The following ATG16L1 variants were observed in gnomAD, a reference collection of about 807,000 sequenced individuals.
ATG16L1 encodes autophagy related 16 like 1.
Under a neutral mutation model 88.5 loss-of-function variants are expected in ATG16L1, and 37 were observed. That is an observed-to-expected ratio of 0.42 (90% CI 0.32 to 0.55). ATG16L1 has a LOEUF of 0.55. Ranked by LOEUF, ATG16L1 falls within the 20% of genes least tolerant of loss-of-function variation. The probability of loss-of-function intolerance (pLI) is 0.13; values close to 1 mark genes in which losing one functional copy is unlikely to be tolerated. For missense variants in ATG16L1, 554 were observed against 752.8 expected (o/e 0.74, Z 3.09); for synonymous variants, 301 against 281.0 (o/e 1.07, Z -0.71).
chr2:233,276,285 TA>T (rs1311953702), intron 9 of ATG16L1, among the ~76,000 whole-genome samples: 1 of 152,212 alleles, frequency 6.6e-6, no homozygotes, highest in African/African-American at 2.4e-5. Flanking sequence ...CTCATATTGA[TA>T]GTCTATGTTT....
In ATG16L1 at chr2:233,265,790, C is replaced by T. The variant is rs543553114; in HGVS notation, c.641+647C>T. ...GCCATTGATAGATTTTTTAAGAATT[C>T]CCTGCAATCCTGCTAAGTCTATTTA... On this transcript the variant is annotated intron_variant, in intron 5 of 17. Transcript: ENST00000392017. Among the ~76,000 whole-genome samples the T allele has an allele frequency of 5.9e-5, 9 of 152,110 alleles. No homozygotes were observed. In the East Asian group the frequency reaches 1.5e-3, roughly 26 times the overall value.
At chr2:233,271,200 G>T (rs1697966049) in intron 6 of ATG16L1, among the ~76,000 whole-genome samples, 1 of 152,200 alleles carries the variant, frequency 6.6e-6, no homozygotes, top group Non-Finnish European at 1.5e-5. Context: ...GACAGGTTGA[G>T]CATCCTGCCC....
chr2:233,268,763 T>C (rs566532461), intron 5 of ATG16L1, among the ~76,000 whole-genome samples: 4 of 152,354 alleles, frequency 2.6e-5, no homozygotes, highest in African/African-American at 9.6e-5. Context: ...TTATTTTTCA[T>C]CTTCCAGGTA....
At chr2:233,290,595 A>G (rs1366551248) in intron 14 of ATG16L1, among the ~76,000 whole-genome samples, 2 of 152,074 alleles carry the variant, frequency 1.3e-5, no homozygotes, top group Non-Finnish European at 2.9e-5. Context: ...GAAAAGGCAA[A>G]CAGGATACTC....
intron 14 of ATG16L1, among the ~76,000 whole-genome samples, chr2:233,291,006 AC>A (rs1181107134): frequency 3.3e-5 from 5 of 152,212 alleles, no homozygotes; most frequent in Middle Eastern, 3.2e-3. Context: ...GGAATAGGAA[AC>A]CAATAGAGTT....
chr2:233,262,998 G>A (rs537555045), intron 2 of ATG16L1, 132 bp from the exon 3 acceptor site: 4 of 770,296 alleles, frequency 5.2e-6, no homozygotes, highest in African/African-American at 1.7e-5. Context: ...GGAGACACCC[G>A]AATGGTTTAT....
Position 233,289,408 on chromosome 2 carries a change from T to TGTGTGTGTGTGTGTGTGAGAGAGAGAGA in ATG16L1, c.1204-445_1204-444insTGTGTGTGTGTGTGTGAGAGAGAGAGAG, listed in dbSNP as rs144316394. Among the ~76,000 whole-genome samples the TGTGTGTGTGTGTGTGTGAGAGAGAGAGA allele has an allele frequency of 1.8e-3, 274 of 149,642 alleles. 1 individual carries two copies. Among genetic ancestry groups the TGTGTGTGTGTGTGTGTGAGAGAGAGAGA allele is most frequent in the African/African-American group, 6.1e-3 (245 of 40,238 alleles). On this transcript the variant is annotated intron_variant, in intron 12 of 17. Transcript: ENST00000392017. ...GTGTGTGTGTGTGTGTGTGTGTGTG[T>TGTGTGTGTGTGTGTGTGAGAGAGAGAGA]GACAGGATCTTGCTATCACTCAGGT...
intron 17 of ATG16L1, 126 bp downstream of exon 17, chr2:233,293,483 G>A: frequency 1.6e-5 from 13 of 815,396 alleles, no homozygotes; most frequent in Non-Finnish European, 2.5e-5. Context: ...CTGCTCGGCT[G>A]GCTGAGCTAG....
chr2:233,258,017 AT>A (rs746556122), intron 2 of ATG16L1, among the ~76,000 whole-genome samples: 56,694 of 127,704 alleles, frequency 0.44, 12,493 homozygotes, highest in Non-Finnish European at 0.54. Context: ...AAAAAAAAAA[AT>A]ATCTATATAT....
Position 233,251,768 on chromosome 2 carries a change from GCTGCGGCCGTC to G in ATG16L1, c.-59_-49del. 1 of 1,461,682 alleles carries G rather than the reference GCTGCGGCCGTC, an allele frequency of 6.8e-7. No individual in the cohort carries two copies. The highest frequency in any genetic ancestry group is 9.3e-7 in the Non-Finnish European group (1 of 1,070,250). The allele number at this position is 1,461,682 out of a possible 1,614,324, so 90.5% of individuals were successfully genotyped here. A position where few individuals can be genotyped will look rare whatever the true frequency, so the allele number is the denominator to read the frequency against. ...TTCTGCTGGTTGCTTCATGCTGCAG[GCTGCGGCCGTC>G]AGCCCTCGCTCGCATTGGTGGCGCT... On this transcript the variant is annotated 5_prime_UTR_variant, in exon 1 of 18. The change abolishes the stop of an existing upstream ORF in the 5' untranslated region. Transcript: ENST00000392017.
chr2:233,275,976 A>T, intron 9 of ATG16L1: 1 of 519,040 alleles, frequency 1.9e-6, no homozygotes, highest in South Asian at 1.4e-5. Context: ...GTGATGGTGC[A>T]TGATCTCAAG....
At chr2:233,268,764 C>T (rs1258362773) in intron 5 of ATG16L1, among the ~76,000 whole-genome samples, 1 of 152,182 alleles carries the variant, frequency 6.6e-6, no homozygotes, top group Non-Finnish European at 1.5e-5. Flanking sequence ...TATTTTTCAT[C>T]TTCCAGGTAT....
At chr2:233,283,481 A>T (rs922841673) in intron 12 of ATG16L1, among the ~76,000 whole-genome samples, 8 of 151,782 alleles carry the variant, frequency 5.3e-5, no homozygotes, top group East Asian at 1.9e-4. Flanking sequence ...ATTTTTTTTT[A>T]AAAAGTTAAC....
intron 12 of ATG16L1, among the ~76,000 whole-genome samples, chr2:233,289,408 T>TGTGTGTGTGTGTGTGTGTGAGA (rs144316394): frequency 1.3e-5 from 2 of 149,536 alleles, no homozygotes; most frequent in African/African-American, 5.0e-5. Flanking sequence ...TGTGTGTGTG[T>TGTGTGTGTGTGTGTGTGTGAGA]GACAGGATCT....
chr2:233,291,572 C>T (rs981556399), intron 14 of ATG16L1, among the ~76,000 whole-genome samples: 4 of 152,158 alleles, frequency 2.6e-5, no homozygotes, highest in Non-Finnish European at 5.9e-5. Flanking sequence ...GGGCCCTGCC[C>T]AGGGTGGCTG....
intron 1 of ATG16L1, among the ~76,000 whole-genome samples, chr2:233,255,869 T>C (rs929742427): frequency 6.6e-6 from 1 of 152,230 alleles, no homozygotes; most frequent in Non-Finnish European, 1.5e-5. Flanking sequence ...CCATTGTGTT[T>C]AGTGTGTTTT....
At chr2:233,267,981 T>A (rs1697726227) in intron 5 of ATG16L1, among the ~76,000 whole-genome samples, 1 of 152,208 alleles carries the variant, frequency 6.6e-6, no homozygotes, top group African/African-American at 2.4e-5. Context: ...CTAGAAGCCT[T>A]CCTGCGTCAT....
intron 14 of ATG16L1, among the ~76,000 whole-genome samples, chr2:233,291,625 G>A (rs1046714776): frequency 6.6e-6 from 1 of 152,158 alleles, no homozygotes; most frequent in African/African-American, 2.4e-5. Context: ...GAAGAAGAGG[G>A]AGGTGCGTAG....
At position 233,292,441 on chromosome 2, in the gene ATG16L1, A is replaced by G. The variant is rs1019428401; in HGVS notation, c.1628+7A>G. 1 of 1,612,292 alleles carries G rather than the reference A, an allele frequency of 6.2e-7. No homozygotes were observed. Among genetic ancestry groups the G allele is most frequent in the African/African-American group, 1.3e-5 (1 of 74,998 alleles). On this transcript the variant is annotated splice_region_variant and intron_variant, in intron 16 of 17. Transcript: ENST00000392017. ...GGACCAGAGTTGTCTTCAGGTTAGT[A>G]GTGACCCACCCCCCGCCAATTTGGT...
Sources: allele counts gnomAD v4.1 joint callset (sites outside exome capture counted in the v4.1 genomes callset), GRCh38; gene constraint gnomAD v4.1.1; transcripts MANE v1.5; gene names NCBI Gene and HGNC (gene_info 2026-07-23, HGNC 2026-07-21).